The following EFHB variants were observed in gnomAD, a reference collection of about 807,000 sequenced individuals.
EFHB encodes EF-hand domain family member B, also known as EF-hand domain-containing family member B.
In EFHB, 91 loss-of-function variants were observed where a neutral mutation model predicts 87.2. The observed-to-expected ratio is 1.04, with a 90% confidence interval of 0.88 to 1.24. The LOEUF (loss-of-function observed/expected upper bound fraction) is 1.24, where lower values mean the gene tolerates loss of function less well. Ranked by LOEUF, EFHB falls within the 50% of genes most tolerant of loss-of-function variation. The pLI is 0.00. For synonymous variants in EFHB, 325 were observed against 333.6 expected, an observed-to-expected ratio of 0.97 and a Z score of 0.28; for missense variants, 1,084 against 998.8, an observed-to-expected ratio of 1.09 and a Z score of -1.15.
chr3:19,901,314 A>T (rs1694662262), intron 6 of EFHB, among the ~76,000 whole-genome samples: 1 of 152,266 alleles, frequency 6.6e-6, no homozygotes, highest in African/African-American at 2.4e-5. Flanking sequence ...TTAAATGAAT[A>T]AAATTTCTTT....
intron 1 of EFHB, among the ~76,000 whole-genome samples, chr3:19,926,070 T>A (rs966771580): frequency 4.6e-5 from 7 of 152,202 alleles, no homozygotes; most frequent in Non-Finnish European, 8.8e-5. Context: ...TTTTCTCCAA[T>A]ACCAGGGCCT....
intron 4 of EFHB, among the ~76,000 whole-genome samples, chr3:19,916,547 T>TTA (rs1559464794): frequency 5.3e-5 from 8 of 151,906 alleles, no homozygotes; most frequent in South Asian, 2.1e-4. Context: ...TTAATTAATT[T>TTA]AAAAAATGAA....
chr3:19,879,782 A>G lies in EFHB; in HGVS notation c.2351T>C (p.Ile784Thr). Residue 784 changes from isoleucine (I) to threonine (T), a missense_variant, in exon 13 of 13, where the codon ATT becomes ACT. By Grantham distance (89) the Ile-to-Thr change is moderately conservative (BLOSUM62 -1). Transcript: ENST00000295824. ...TTCTTCATCAGACAGTTTGACACCAATGTTACACAATATCTCTGCAATCTA... is the reference window on the plus strand; with the variant it reads ...TTCTTCATCAGACAGTTTGACACCAGTGTTACACAATATCTCTGCAATCTA... ...KEEIAEILCNIGVKLSDEEFE... is the reference protein window; with the variant it reads ...KEEIAEILCNTGVKLSDEEFE... The G allele has an allele frequency of 1.2e-6, 2 of 1,601,872 alleles. No homozygotes were observed. Among genetic ancestry groups the G allele is most frequent in the South Asian group, 1.1e-5 (1 of 88,296 alleles).
chr3:19,908,805 G>T (rs1045682008), intron 5 of EFHB, among the ~76,000 whole-genome samples: 2 of 151,792 alleles, frequency 1.3e-5, no homozygotes, highest in African/African-American at 2.4e-5. Flanking sequence ...AAATGTTGTA[G>T]GTCCATATTT....
At chr3:19,890,510 G>A (rs1694269623) in intron 9 of EFHB, among the ~76,000 whole-genome samples, 2 of 152,224 alleles carry the variant, frequency 1.3e-5, no homozygotes, top group East Asian at 1.9e-4. Context: ...AAGAATTAAA[G>A]ATAACCATGT....
rs1559446474 is a variant in EFHB, at chr3:19,888,615, C to T, written c.1762G>A (p.Glu588Lys). 2 of 1,607,206 alleles carry T rather than the reference C, an allele frequency of 1.2e-6. No individual in the cohort carries two copies. The highest frequency in any genetic ancestry group is 1.7e-6 in the Non-Finnish European group (2 of 1,176,430). ...DGMIDKDELQ[E>K]ACDQANLSLD... ...CTCAAGTTGGCCTGGTCACAAGCTT[C>T]CTGCAGCTCGTCTTTATCTATCATC... The change falls in exon 10 of 13, where the codon GAA becomes AAA. Residue 588 changes from glutamate to lysine, a missense_variant. Transcript: ENST00000295824.
intron 5 of EFHB, among the ~76,000 whole-genome samples, chr3:19,915,013 G>T (rs1695177629): frequency 6.6e-6 from 1 of 151,850 alleles, no homozygotes; most frequent in African/African-American, 2.4e-5. Flanking sequence ...GATTGCTTGA[G>T]CCTAGGAGGT....
chr3:19,934,508 C>T (rs547840274), upstream of EFHB, among the ~76,000 whole-genome samples: 189 of 151,740 alleles, frequency 1.2e-3, 1 homozygote, highest in Middle Eastern at 3.4e-3. Flanking sequence ...CTCTCCCCTC[C>T]CTCCCCCTCT....
chr3:19,916,369 G>A (rs1383545587), intron 4 of EFHB, among the ~76,000 whole-genome samples: 1 of 151,988 alleles, frequency 6.6e-6, no homozygotes, highest in Non-Finnish European at 1.5e-5. Context: ...ACAAAAATTA[G>A]ACAGGCGTGG....
At chr3:19,898,879 C>T (rs777043197) in intron 7 of EFHB, 34 bp from the exon 8 acceptor site, 51 of 1,595,200 alleles carry the variant, frequency 3.2e-5, no homozygotes, top group Non-Finnish European at 4.3e-5. Context: ...GTTAAAATAC[C>T]CACCACATGG....
intron 5 of EFHB, among the ~76,000 whole-genome samples, chr3:19,908,589 AGAGAG>A (rs1559459681): frequency 4.4e-4 from 54 of 124,024 alleles, no homozygotes; most frequent in African/African-American, 9.5e-4. Context: ...AGAGAGAGAG[AGAGAG>A]AGAGAGAAAG....
Position 19,879,769 on chromosome 3 carries a change from C to T in EFHB, c.2364G>A (p.Leu788=). ...ATACATTTTCAAATTCTTCATCAGA[C>T]AGTTTGACACCAATGTTACACAATA... The part of the protein sequence containing the change: ...AEILCNIGVK[L]SDEEFENVWN... The change falls in exon 13 of 13, where the codon CTG becomes CTA. Residue 788 remains leucine (L), a synonymous_variant. Coordinates refer to ENST00000295824, the MANE Select transcript of EFHB (RefSeq NM_144715.4). The T allele has an allele frequency of 1.2e-6, 2 of 1,607,170 alleles. No individual in the cohort carries two copies. The highest frequency in any genetic ancestry group is 1.3e-5 in the African/African-American group (1 of 74,866).
In EFHB at chr3:19,919,915, T is replaced by C. The variant is rs199804687; in HGVS notation, c.914A>G (p.Glu305Gly). Residue 305 changes from glutamate to glycine, a missense_variant, in exon 3 of 13, where the codon GAA (glutamate) becomes GGA (glycine). Physicochemically the swap from Glu to Gly is moderately conservative, Grantham distance 98. Transcript: ENST00000295824. ...ATTTGCTCTTCCGTAAAATACTCTT[T>C]CTACTCCAGCAGGTGGATATCTGAA... The part of the protein sequence containing the change: ...FNFRYPPAGV[E>G]RVFYGRANDP... 6 of 1,613,824 alleles carry C rather than the reference T, an allele frequency of 3.7e-6. No homozygotes were observed. The highest frequency in any genetic ancestry group is 4.2e-6 in the Non-Finnish European group (5 of 1,179,788).
At chr3:19,908,571 AGAGAGAGAG>A (rs1694924042) in intron 5 of EFHB, among the ~76,000 whole-genome samples, 5 of 86,920 alleles carry the variant, frequency 5.8e-5, no homozygotes, top group Admixed American at 2.3e-4. Flanking sequence ...AAAGAGAGAG[AGAGAGAGAG>A]AGAGAGAGAG....
chr3:19,899,658 A>C (rs1694604817), intron 6 of EFHB, 143 bp from the exon 7 acceptor site: 2 of 491,960 alleles, frequency 4.1e-6, no homozygotes, highest in Non-Finnish European at 6.9e-6. Flanking sequence ...TGCTAAAAAG[A>C]AAGTTTTATG....
chr3:19,883,530 T>C (rs1342797396), intron 11 of EFHB, among the ~76,000 whole-genome samples: 1 of 152,224 alleles, frequency 6.6e-6, no homozygotes, highest in Admixed American at 6.5e-5. Context: ...ATATTCATCA[T>C]GCTTCATATT....
At chr3:19,914,136 G>C (rs926770423) in intron 5 of EFHB, among the ~76,000 whole-genome samples, 2 of 152,128 alleles carry the variant, frequency 1.3e-5, no homozygotes. Context: ...TTTGTAGATA[G>C]AGATTCTCAC....
Position 19,879,576 on chromosome 3 carries a change from T to G in EFHB, c.*55A>C. 6.7e-7 allele frequency: 1 copy of G among 1,486,572 alleles called. No homozygotes were observed. Among genetic ancestry groups the G allele is most frequent in the Non-Finnish European group, 9.0e-7 (1 of 1,116,326 alleles). 92.1% of individuals were successfully genotyped at this position (1,486,572 alleles called of 1,614,324 possible). ...TAAAACCAGAATGGATTCAACATTT[T>G]AGATAAACACAGAGTTAATAATTCT... On this transcript the variant is annotated 3_prime_UTR_variant, in exon 13 of 13. Transcript: ENST00000295824.
chr3:19,908,950 G>T (rs776832933), intron 5 of EFHB, among the ~76,000 whole-genome samples: 4 of 151,832 alleles, frequency 2.6e-5, no homozygotes, highest in Admixed American at 6.6e-5. Flanking sequence ...TAGAAAAAAT[G>T]TTCAGAGAGA....
Sources: gnomAD v4.1 joint callset for allele counts (sites outside exome capture counted in the v4.1 genomes callset) on GRCh38, gnomAD v4.1.1 for gene constraint, MANE v1.5 for transcripts, NCBI Gene and HGNC (gene_info 2026-07-23, HGNC 2026-07-21) for gene names.